Variants in ZNF385D observed in about 807,000 individuals in gnomAD.
ZNF385D encodes the protein zinc finger protein 385D, also known as zinc finger protein 659.
ZNF385D carries 15 observed loss-of-function variants against 35.8 expected under a neutral mutation model. That is an observed-to-expected ratio of 0.42 (90% CI 0.28 to 0.64). ZNF385D has a LOEUF of 0.64. Among genes scored for constraint, ZNF385D ranks in the 30% least tolerant of loss-of-function variants. ZNF385D has a pLI of 0.23. For missense variants in ZNF385D, 474 were observed against 494.6 expected (o/e 0.96, Z 0.39); for synonymous variants, 212 against 186.8 (o/e 1.13, Z -1.10).
intron 3 of ZNF385D, among the ~76,000 whole-genome samples, chr3:21,874,563 GTGTC>G: frequency 6.6e-6 from 1 of 152,050 alleles, no homozygotes; most frequent in Middle Eastern, 3.4e-3. Context: ...ACTGATCCAT[GTGTC>G]TGTCTTTAAA....
At chr3:21,817,509 G>A (rs1037684996) in intron 3 of ZNF385D, among the ~76,000 whole-genome samples, 2 of 151,806 alleles carry the variant, frequency 1.3e-5, no homozygotes. Context: ...CAACAAGTGG[G>A]TGAAGGATAT....
intron 3 of ZNF385D, among the ~76,000 whole-genome samples, chr3:21,991,574 C>A (rs959131605): frequency 2.0e-5 from 3 of 152,144 alleles, no homozygotes; most frequent in Non-Finnish European, 4.4e-5. Context: ...AAATGGTGGG[C>A]AAAATGTTCC....
At chr3:22,265,699 G>T (rs942513382) in intron 2 of ZNF385D, among the ~76,000 whole-genome samples, 1 of 151,824 alleles carries the variant, frequency 6.6e-6, no homozygotes, top group Non-Finnish European at 1.5e-5. Context: ...AGAAAAGACT[G>T]GCTTGAATAT....
intron 4 of ZNF385D, among the ~76,000 whole-genome samples, chr3:21,466,626 G>A (rs1703534267): frequency 6.6e-6 from 1 of 152,024 alleles, no homozygotes; most frequent in Non-Finnish European, 1.5e-5. Flanking sequence ...TGAAAGAAAT[G>A]GTAATGTAGT....
chr3:21,737,213 A>G (rs1356870113), intron 1 of ZNF385D, among the ~76,000 whole-genome samples: 1 of 152,156 alleles, frequency 6.6e-6, no homozygotes, highest in African/African-American at 2.4e-5. Flanking sequence ...GTGCTGGGAC[A>G]GCAATCCTAC....
Position 21,539,906 on chromosome 3 carries a change from C to A in ZNF385D, c.276+24668G>T, listed in dbSNP as rs1339392185. On this transcript the variant is annotated intron_variant, in intron 3 of 7. Transcript: ENST00000281523. This position sits in a 1 kb window ranked among gnomAD's most constrained non-coding sequence, Gnocchi z 4.0. ...TTTTAAAATATTTACTTCTCTATGTCTTTTTAAACCATGAAGATAGCTAGT... is the reference window on the plus strand; with the variant it reads ...TTTTAAAATATTTACTTCTCTATGTATTTTTAAACCATGAAGATAGCTAGT... Among the ~76,000 whole-genome samples, 1 of 152,000 alleles carries A rather than the reference C, an allele frequency of 6.6e-6. No homozygotes were observed. Among genetic ancestry groups the A allele is most frequent in the Non-Finnish European group, 1.5e-5 (1 of 67,954 alleles).
intron 2 of ZNF385D, among the ~76,000 whole-genome samples, chr3:22,185,186 G>A (rs182578814): frequency 6.7e-6 from 1 of 148,500 alleles, no homozygotes; most frequent in Non-Finnish European, 1.5e-5. Flanking sequence ...CTTTAAAATT[G>A]CAAGTTTCAA....
intron 2 of ZNF385D, among the ~76,000 whole-genome samples, chr3:22,290,470 G>A (rs1702244555): frequency 6.6e-6 from 1 of 152,114 alleles, no homozygotes; most frequent in African/African-American, 2.4e-5. Context: ...AGCTGGGAAG[G>A]GGACATAGCA....
chr3:21,796,403 T>C (rs2072152910), intron 3 of ZNF385D, among the ~76,000 whole-genome samples: 1 of 152,106 alleles, frequency 6.6e-6, no homozygotes, highest in Non-Finnish European at 1.5e-5. Context: ...TATTGGCAAA[T>C]CTAATCCAAA....
intron 2 of ZNF385D, among the ~76,000 whole-genome samples, chr3:21,567,488 G>C (rs1329398633): frequency 6.6e-6 from 1 of 152,104 alleles, no homozygotes; most frequent in South Asian, 2.1e-4. Context: ...CCCTCATTCT[G>C]TTCTCTAGGA....
chr3:22,103,298 C>T (rs1402168648), intron 3 of ZNF385D, among the ~76,000 whole-genome samples: 1 of 151,400 alleles, frequency 6.6e-6, no homozygotes, highest in African/African-American at 2.4e-5. Context: ...TCACTGTGGG[C>T]TCACAAGTGC....
intron 3 of ZNF385D, among the ~76,000 whole-genome samples, chr3:21,517,403 C>G (rs534586799): frequency 6.6e-6 from 1 of 152,208 alleles, no homozygotes; most frequent in South Asian, 2.1e-4. Flanking sequence ...AATGCTGAGG[C>G]CTCCTTACTG....
intron 1 of ZNF385D, among the ~76,000 whole-genome samples, chr3:21,741,408 C>T (rs1559572696): frequency 6.6e-6 from 1 of 152,150 alleles, no homozygotes; most frequent in African/African-American, 2.4e-5. Context: ...TGCCCACAGA[C>T]CTCTAAGCTA....
chr3:21,712,906 T>C (rs557095356), intron 1 of ZNF385D, among the ~76,000 whole-genome samples: 1 of 152,360 alleles, frequency 6.6e-6, no homozygotes, highest in East Asian at 1.9e-4. Flanking sequence ...CCTAACTGGC[T>C]TTAATGCTTT....
chr3:21,783,693 C>T (rs577193404), intron 3 of ZNF385D, among the ~76,000 whole-genome samples: 9 of 152,104 alleles, frequency 5.9e-5, no homozygotes, highest in Admixed American at 3.9e-4. Flanking sequence ...TCTGCATGCA[C>T]GAAGAACACC....
rs556507815 is a variant in ZNF385D, at chr3:21,630,030, C to T, written c.165+34856G>A. 7.2e-5 allele frequency among the ~76,000 whole-genome samples: 11 copies of T among 152,010 alleles called. No homozygotes were observed. The South Asian group carries it at 2.3e-3, about 32-fold the overall frequency. On this transcript the variant is annotated intron_variant, in intron 2 of 7. Coordinates refer to ENST00000281523, the MANE Select transcript of ZNF385D (RefSeq NM_024697.3). ...TGTATATTTTTCCTCACTATGTCCT[C>T]CCAATCATCCTATGAAGTTTATTTT...
intron 3 of ZNF385D, among the ~76,000 whole-genome samples, chr3:21,965,075 G>GA (rs1644502208): frequency 6.6e-6 from 1 of 152,164 alleles, no homozygotes; most frequent in South Asian, 2.1e-4. Flanking sequence ...ATGCCTGGAA[G>GA]ATTGAAAAAT....
intron 2 of ZNF385D, among the ~76,000 whole-genome samples, chr3:21,602,515 T>TTTTTTTTTTTTTTG (rs2064332990): frequency 1.3e-5 from 1 of 75,396 alleles, no homozygotes; most frequent in Non-Finnish European, 2.9e-5. Flanking sequence ...TCCCTGCATT[T>TTTTTTTTTTTTTTG]TCTTTTTTTT....
At chr3:22,010,061 T>A (rs1402235699) in intron 3 of ZNF385D, among the ~76,000 whole-genome samples, 1 of 152,040 alleles carries the variant, frequency 6.6e-6, no homozygotes, top group Non-Finnish European at 1.5e-5. Context: ...ACAATTAAGC[T>A]AATCATCTGC....
Sources: gnomAD v4.1 joint callset for allele counts (sites outside exome capture counted in the v4.1 genomes callset) on GRCh38, gnomAD v4.1.1 for gene constraint, Gnocchi (gnomAD v3.1) non-coding constraint, MANE v1.5 for transcripts, NCBI Gene and HGNC (gene_info 2026-07-23, HGNC 2026-07-21) for gene names.